The following ZNF385D variants were observed in gnomAD, a reference collection of about 807,000 sequenced individuals.
ZNF385D encodes zinc finger protein 385D, also known as zinc finger protein 659.
Under a neutral mutation model 35.8 loss-of-function variants are expected in ZNF385D, and 15 were observed. That is an observed-to-expected ratio of 0.42 (90% CI 0.28 to 0.64). The LOEUF (loss-of-function observed/expected upper bound fraction) is 0.64, where lower values mean the gene tolerates loss of function less well. ZNF385D is among the 30% of genes least tolerant of loss of function. The pLI is 0.23. For synonymous variants in ZNF385D, 212 were observed against 186.8 expected, an observed-to-expected ratio of 1.13 and a Z score of -1.10; for missense variants, 474 against 494.6, an observed-to-expected ratio of 0.96 and a Z score of 0.39.
intron 3 of ZNF385D, among the ~76,000 whole-genome samples, chr3:22,044,120 C>T (rs1026419319): frequency 1.3e-5 from 2 of 149,716 alleles, no homozygotes. Flanking sequence ...ATGTAATGGC[C>T]TCAGGATTTG....
chr3:21,882,266 C>T (rs1433338649), intron 3 of ZNF385D, among the ~76,000 whole-genome samples: 1 of 151,892 alleles, frequency 6.6e-6, no homozygotes, highest in Non-Finnish European at 1.5e-5. Context: ...CAAAAGTTGC[C>T]ACAGCCATCT....
At chr3:22,170,926 T>A (rs563124114) in intron 2 of ZNF385D, among the ~76,000 whole-genome samples, 51 of 152,272 alleles carry the variant, frequency 3.3e-4, no homozygotes, top group South Asian at 2.5e-3. Context: ...GGAAAATATT[T>A]TGTGTATAAG....
In ZNF385D at chr3:22,245,650, G is replaced by A. The variant is rs114976083; in HGVS notation, c.107-76615C>T. Among the ~76,000 whole-genome samples, 907 of 151,782 alleles carry A rather than the reference G, an allele frequency of 6.0e-3. 12 individuals are homozygous for A. Among genetic ancestry groups the A allele is most frequent in the African/African-American group, 0.021 (852 of 41,398 alleles). ...CAGCTTGCCACAACAGACAATAGACGGGTGTGTGCTGCTGCACAACTATGA... is the reference window on the plus strand; with the variant it reads ...CAGCTTGCCACAACAGACAATAGACAGGTGTGTGCTGCTGCACAACTATGA... On this transcript the variant is annotated intron_variant, in intron 2 of 5. Coordinates refer to the ZNF385D transcript ENST00000494108.
intron 3 of ZNF385D, among the ~76,000 whole-genome samples, chr3:21,967,499 C>A (rs560288851): frequency 1.1e-4 from 16 of 152,292 alleles, no homozygotes; most frequent in African/African-American, 3.6e-4. Context: ...CAAATCACTA[C>A]AGAGCTGCTA....
intron 2 of ZNF385D, among the ~76,000 whole-genome samples, chr3:22,348,735 T>A (rs943212417): frequency 1.3e-5 from 2 of 151,926 alleles, no homozygotes; most frequent in East Asian, 3.9e-4. Context: ...CAGGCACTTA[T>A]AGGGGAATAT....
chr3:21,605,420 A>G (rs1439826243), intron 2 of ZNF385D, among the ~76,000 whole-genome samples: 3 of 152,186 alleles, frequency 2.0e-5, no homozygotes, highest in African/African-American at 7.2e-5. Flanking sequence ...TACCGTGCCT[A>G]TCGTTAAATT....
rs78445510 is a variant in ZNF385D at position 21,526,054 on chromosome 3, A to T, written c.277-15031T>A. On this transcript the variant is annotated intron_variant, in intron 3 of 7. Coordinates refer to ENST00000281523, the MANE Select transcript of ZNF385D (RefSeq NM_024697.3). The stretch of plus-strand genomic sequence containing the variant: ...TGGTAAGTAATTTTTATATTATTAC[A>T]CCGTAAACAGATGCTATTTTCCACT... 2.1e-3 allele frequency among the ~76,000 whole-genome samples: 320 copies of T among 152,270 alleles called. 2 individuals are homozygous for T. Among genetic ancestry groups the T allele is most frequent in the African/African-American group, 6.4e-3 (264 of 41,560 alleles).
chr3:21,723,499 G>C (rs1349260936), intron 1 of ZNF385D, among the ~76,000 whole-genome samples: 2 of 152,094 alleles, frequency 1.3e-5, no homozygotes, highest in African/African-American at 4.8e-5. Flanking sequence ...AGAACTTCGT[G>C]AAGCATACAC....
At chr3:22,140,951 A>G (rs1704467603) in intron 3 of ZNF385D, among the ~76,000 whole-genome samples, 1 of 152,224 alleles carries the variant, frequency 6.6e-6, no homozygotes, top group Admixed American at 6.5e-5. Context: ...TTTACAAAGA[A>G]TAAGGTACAC....
intron 2 of ZNF385D, among the ~76,000 whole-genome samples, chr3:22,268,387 T>G (rs1232973802): frequency 6.6e-6 from 1 of 152,038 alleles, no homozygotes; most frequent in East Asian, 1.9e-4. Flanking sequence ...GAAAGCATAA[T>G]GCTCATTTTG....
intron 2 of ZNF385D, among the ~76,000 whole-genome samples, chr3:22,350,059 T>C (rs1184334007): frequency 6.6e-6 from 1 of 152,162 alleles, no homozygotes; most frequent in Non-Finnish European, 1.5e-5. Context: ...AAATGTTTGG[T>C]AGAACTTTCT....
intron 2 of ZNF385D, among the ~76,000 whole-genome samples, chr3:22,248,540 G>T (rs1414972390): frequency 2.6e-5 from 4 of 151,824 alleles, no homozygotes; most frequent in Non-Finnish European, 5.9e-5. Flanking sequence ...TAAAAATTGG[G>T]CCTCTCTAAA....
intron 2 of ZNF385D, among the ~76,000 whole-genome samples, chr3:22,199,967 G>T (rs1465940841): frequency 6.6e-6 from 1 of 151,922 alleles, no homozygotes; most frequent in Non-Finnish European, 1.5e-5. Flanking sequence ...TTTACCTGCT[G>T]GATTTATTTA....
chr3:21,503,866 C>T (rs1247555524), intron 4 of ZNF385D, among the ~76,000 whole-genome samples: 1 of 152,118 alleles, frequency 6.6e-6, no homozygotes, highest in Non-Finnish European at 1.5e-5. Context: ...ATAAAAGTTC[C>T]TTTGCATTCA....
intron 3 of ZNF385D, among the ~76,000 whole-genome samples, chr3:21,812,505 C>A (rs148326758): frequency 0.02 from 3,056 of 152,340 alleles, 99 homozygotes; most frequent in African/African-American, 0.068. Flanking sequence ...CCTAGTACTG[C>A]GCTTTTCCAA....
At chr3:21,921,435 C>A (rs1033089033) in intron 3 of ZNF385D, among the ~76,000 whole-genome samples, 6 of 152,018 alleles carry the variant, frequency 3.9e-5, no homozygotes, top group African/African-American at 1.4e-4. Flanking sequence ...GCACCTATGA[C>A]AAGATATGTC....
intron 2 of ZNF385D, among the ~76,000 whole-genome samples, chr3:22,240,430 G>C (rs1699431259): frequency 6.6e-6 from 1 of 150,860 alleles, no homozygotes; most frequent in African/African-American, 2.5e-5. Context: ...CTCATCAGCT[G>C]TTCTGACCAG....
intron 3 of ZNF385D, among the ~76,000 whole-genome samples, chr3:22,022,139 A>C (rs570252633): frequency 6.6e-6 from 1 of 152,232 alleles, no homozygotes; most frequent in South Asian, 2.1e-4. Context: ...AGTTTTCTTA[A>C]CCATAAATAC....
chr3:21,801,883 C>T (rs1355901716), intron 3 of ZNF385D, among the ~76,000 whole-genome samples: 1 of 152,114 alleles, frequency 6.6e-6, no homozygotes, highest in Non-Finnish European at 1.5e-5. Flanking sequence ...TTTGTATATT[C>T]CAGAAATTAC....
Sources: gnomAD v4.1 joint callset for allele counts (sites outside exome capture counted in the v4.1 genomes callset) on GRCh38, gnomAD v4.1.1 for gene constraint, MANE v1.5 for transcripts, NCBI Gene and HGNC (gene_info 2026-07-23, HGNC 2026-07-21) for gene names.